Variants in KCNMA1 observed in about 807,000 individuals in gnomAD.
KCNMA1 encodes potassium calcium-activated channel subfamily M alpha 1.
In KCNMA1, 29 loss-of-function variants were observed where a neutral mutation model predicts 140.0. The observed-to-expected ratio is 0.21, with a 90% CI of 0.15 to 0.28. KCNMA1 has a LOEUF of 0.28. Among genes scored for constraint, KCNMA1 ranks in the 10% least tolerant of loss-of-function variants. The pLI is 1.00. For synonymous variants in KCNMA1, 612 were observed against 611.9 expected, an observed-to-expected ratio of 1.00 and a Z score of 0.00; for missense variants, 880 against 1,602.2, an observed-to-expected ratio of 0.55 and a Z score of 7.70.
chr10:77,299,424 T>C (rs1250561334), intron 2 of KCNMA1, among the ~76,000 whole-genome samples: 3 of 152,324 alleles, frequency 2.0e-5, no homozygotes, highest in East Asian at 3.9e-4. Flanking sequence ...GGCCAGCATC[T>C]GGATTTCCCA....
At chr10:77,156,055 G>T (rs1392168602) in intron 5 of KCNMA1, among the ~76,000 whole-genome samples, 1 of 151,812 alleles carries the variant, frequency 6.6e-6, no homozygotes, top group African/African-American at 2.4e-5. Flanking sequence ...GTGAAACTCC[G>T]TCTGTACTAA....
intron 1 of KCNMA1, among the ~76,000 whole-genome samples, chr10:77,471,285 C>T (rs1271084933): frequency 2.0e-5 from 3 of 151,118 alleles, no homozygotes; most frequent in Non-Finnish European, 4.4e-5. Flanking sequence ...ACACACCACA[C>T]ATGTAACACA....
chr10:77,230,053 CAAAT>C (rs1169721312), intron 3 of KCNMA1, among the ~76,000 whole-genome samples: 2 of 152,058 alleles, frequency 1.3e-5, no homozygotes, highest in Admixed American at 6.6e-5. Flanking sequence ...TGTTCATTGA[CAAAT>C]GAATGGATAA....
At chr10:77,229,880 A>G (rs1467932161) in intron 3 of KCNMA1, among the ~76,000 whole-genome samples, 2 of 152,218 alleles carry the variant, frequency 1.3e-5, no homozygotes, top group Non-Finnish European at 2.9e-5. Context: ...TGTGGAAAAT[A>G]GTTTAGTGAT....
At chr10:77,375,607 A>G (rs546534716) in intron 2 of KCNMA1, among the ~76,000 whole-genome samples, 6 of 152,318 alleles carry the variant, frequency 3.9e-5, no homozygotes, top group African/African-American at 1.4e-4. Flanking sequence ...TTGATCTGCC[A>G]TGTTTCAACA....
At chr10:77,028,302 A>G (rs1192615422) in intron 15 of KCNMA1, among the ~76,000 whole-genome samples, 1 of 152,106 alleles carries the variant, frequency 6.6e-6, no homozygotes, top group Non-Finnish European at 1.5e-5. Context: ...CAAATGGCTC[A>G]TATTGTTGTT....
intron 5 of KCNMA1, among the ~76,000 whole-genome samples, chr10:77,134,769 C>T (rs988132384): frequency 1.3e-4 from 19 of 151,884 alleles, no homozygotes; most frequent in African/African-American, 3.1e-4. Context: ...GAGGCCAAGG[C>T]AGGTGGATCA....
rs899893136 is a variant in KCNMA1, at chr10:77,121,139, C to T, written c.809-91G>A. 5.0e-5 allele frequency: 42 copies of T among 834,110 alleles called. No individual in the cohort carries two copies. In the African/African-American group the frequency reaches 5.5e-4, roughly 11 times the overall value. 51.7% of individuals were successfully genotyped at this position (834,110 alleles called of 1,614,324 possible). A position where few individuals can be genotyped will look rare whatever the true frequency, so the allele number is the denominator to read the frequency against. On this transcript the variant is annotated intron_variant, in intron 5 of 27. Coordinates refer to ENST00000286628, the MANE Select transcript of KCNMA1 (RefSeq NM_001161352.2). Reference sequence around the variant, plus strand: ...CATTTGATTTACAGTTCCCAAGGGTCGAAGGGATGGGAAGTTCTTGCAGAA... The same window carrying T: ...CATTTGATTTACAGTTCCCAAGGGTTGAAGGGATGGGAAGTTCTTGCAGAA...
rs988751794 is a variant in KCNMA1 at position 77,306,049 on chromosome 10, G to A, written c.541-54793C>T. 3.3e-5 allele frequency among the ~76,000 whole-genome samples: 5 copies of A among 152,168 alleles called. No individual in the cohort carries two copies. The South Asian group carries it at 8.3e-4, about 25-fold the overall frequency. ...TCTGGGGCTCACTTCACCCCCAGTG[G>A]TGCTCTGGTCAATGGGACACACAGA... is the stretch of plus-strand genomic sequence containing the variant. On this transcript the variant is annotated intron_variant, in intron 2 of 27. Transcript: ENST00000286628.
At chr10:77,266,005 T>C (rs1267838256) in intron 2 of KCNMA1, among the ~76,000 whole-genome samples, 1 of 147,678 alleles carries the variant, frequency 6.8e-6, no homozygotes, top group Non-Finnish European at 1.5e-5. Flanking sequence ...CCCTTGAGCC[T>C]GGGAGGCGGA....
chr10:77,540,133 C>T (rs2059844840), intron 1 of KCNMA1, among the ~76,000 whole-genome samples: 1 of 152,210 alleles, frequency 6.6e-6, no homozygotes, highest in Non-Finnish European at 1.5e-5. Context: ...TGGGTTGCTG[C>T]CTGTCCTGCT....
At chr10:76,944,533 G>A (rs143706548) in intron 23 of KCNMA1, among the ~76,000 whole-genome samples, 1 of 152,186 alleles carries the variant, frequency 6.6e-6, no homozygotes, top group Non-Finnish European at 1.5e-5. Flanking sequence ...CTATTTAAAG[G>A]CTTGTTTATC....
Position 77,108,374 on chromosome 10 carries a change from T to C in KCNMA1, c.1223+107A>G. 1 of 1,599,692 alleles carries C rather than the reference T, an allele frequency of 6.3e-7. No homozygotes were observed. The stretch of plus-strand genomic sequence containing the variant: ...ATTTCGGGCACGTAGCGGGCAAACA[T>C]TGCCTACATGCATGAAACAAAGAAA... On this transcript the variant is annotated intron_variant, in intron 9 of 27. Transcript: ENST00000286628. The surrounding 1 kb of genome is among the most constrained non-coding windows in gnomAD (Gnocchi z 4.6).
intron 1 of KCNMA1, among the ~76,000 whole-genome samples, chr10:77,525,493 T>C (rs927576558): frequency 6.6e-6 from 1 of 152,202 alleles, no homozygotes; most frequent in Non-Finnish European, 1.5e-5. Context: ...TGCCAACATT[T>C]TCCCACCCTG....
chr10:77,553,134 C>T (rs1190444539), intron 1 of KCNMA1, among the ~76,000 whole-genome samples: 1 of 152,230 alleles, frequency 6.6e-6, no homozygotes, highest in East Asian at 1.9e-4. Context: ...CCAAACAGCA[C>T]AGACATTAAC....
intron 1 of KCNMA1, among the ~76,000 whole-genome samples, chr10:77,543,923 C>G (rs2060789949): frequency 6.6e-6 from 1 of 152,144 alleles, no homozygotes; most frequent in East Asian, 1.9e-4. Context: ...AAAGCAATGA[C>G]TCCATCTTCT....
chr10:77,553,085 G>A (rs768106052), intron 1 of KCNMA1, among the ~76,000 whole-genome samples: 9 of 152,142 alleles, frequency 5.9e-5, no homozygotes, highest in Non-Finnish European at 1.3e-4. Context: ...GTGGCGGGGT[G>A]GGGAGGCGGG....
chr10:77,247,681 G>A (rs368165808), intron 3 of KCNMA1, among the ~76,000 whole-genome samples: 9 of 152,198 alleles, frequency 5.9e-5, no homozygotes, highest in Non-Finnish European at 1.2e-4. Context: ...AATCCACCTC[G>A]TGTGGCTAAT....
chr10:77,083,716 C>T (rs2096632524), intron 12 of KCNMA1, among the ~76,000 whole-genome samples: 1 of 151,638 alleles, frequency 6.6e-6, no homozygotes, highest in Non-Finnish European at 1.5e-5. Flanking sequence ...ATTCCTATAG[C>T]CTCGGCTACT....
Sources: allele counts gnomAD v4.1 joint callset (sites outside exome capture counted in the v4.1 genomes callset), GRCh38; gene constraint gnomAD v4.1.1; non-coding constraint Gnocchi (gnomAD v3.1); transcripts MANE v1.5; gene names NCBI Gene and HGNC (gene_info 2026-07-23, HGNC 2026-07-21).